Variants in CAPN8 observed in about 807,000 individuals in gnomAD.
The protein encoded by CAPN8 is calpain-8.
CAPN8 carries 87 observed loss-of-function variants against 80.9 expected under a neutral mutation model. The ratio of observed to expected loss-of-function variants is 1.07; its 90% CI spans 0.90 to 1.28. CAPN8 has a LOEUF of 1.28. CAPN8 is among the 50% of genes most tolerant of loss of function. CAPN8 has a pLI of 0.00. For synonymous variants in CAPN8, 299 were observed against 273.8 expected (o/e 1.09, Z -0.91); for missense variants, 757 against 702.0 (o/e 1.08, Z -0.89).
intron 10 of CAPN8, among the ~76,000 whole-genome samples, chr1:223,613,165 G>A (rs73119712): frequency 0.38 from 58,294 of 151,986 alleles, 11,336 homozygotes; most frequent in Non-Finnish European, 0.4. Flanking sequence ...ATTATTTGTG[G>A]TTTAGGTCTA....
intron 2 of CAPN8, among the ~76,000 whole-genome samples, chr1:223,631,104 G>A (rs1289530865): frequency 6.6e-6 from 1 of 151,936 alleles, no homozygotes. Context: ...TCTCCCAATC[G>A]AACTTGGATA....
At chr1:223,626,956 GA>G in intron 5 of CAPN8, 32 bp downstream of exon 5, 1 of 1,542,524 alleles carries the variant, frequency 6.5e-7, no homozygotes, top group Non-Finnish European at 8.8e-7. Context: ...GCGGTGGGGG[GA>G]GGTGGGGCAG....
intron 2 of CAPN8, among the ~76,000 whole-genome samples, chr1:223,653,976 C>T (rs1658409234): frequency 6.6e-6 from 1 of 152,148 alleles, no homozygotes; most frequent in African/African-American, 2.4e-5. Flanking sequence ...ATGGCCATTC[C>T]AAAGGACAAA....
chr1:223,619,654 AG>A (rs1034452742), intron 8 of CAPN8, among the ~76,000 whole-genome samples: 13 of 152,240 alleles, frequency 8.5e-5, no homozygotes, highest in African/African-American at 2.9e-4. Context: ...TGGCTCTTAC[AG>A]GGAGCCCCAC....
In CAPN8 at chr1:223,650,411, C is replaced by T. The variant is rs74145969; in HGVS notation, c.307+3919G>A. On this transcript the variant is annotated intron_variant, in intron 2 of 20. Coordinates refer to ENST00000366872, the MANE Select transcript of CAPN8 (RefSeq NM_001143962.2). The stretch of plus-strand genomic sequence containing the variant: ...GGGGCCCTGACCCAGGCTGGGCCCA[C>T]GGCTGTGGCTGCAGTAACTGGCTCA... Among the ~76,000 whole-genome samples the T allele has an allele frequency of 3.5e-3, 531 of 152,308 alleles. 2 individuals are homozygous for T. The highest frequency in any genetic ancestry group is 0.01 in the African/African-American group (416 of 41,562).
chr1:223,628,891 G>A lies in CAPN8; in HGVS notation c.308-111C>T, dbSNP rs116418322. 2,900 of 747,762 alleles carry A rather than the reference G, an allele frequency of 3.9e-3. 46 individuals carry two copies. The African/African-American group carries it at 0.042, about 11-fold the overall frequency. The allele number at this position is 747,762 out of a possible 1,614,324, so 46.3% of individuals were successfully genotyped here. ...AGTCCACGTTGCCACATTCCCTTCT[G>A]AGTCAGGTAGAGTTTCCTCCTCCGG... is the stretch of plus-strand genomic sequence containing the variant. On this transcript the variant is annotated intron_variant, in intron 2 of 20. Coordinates refer to ENST00000366872, the MANE Select transcript of CAPN8 (RefSeq NM_001143962.2).
chr1:223,639,437 C>T (rs532914666), intron 2 of CAPN8, among the ~76,000 whole-genome samples: 1 of 152,244 alleles, frequency 6.6e-6, no homozygotes, highest in Non-Finnish European at 1.5e-5. Flanking sequence ...TCATTTTAAT[C>T]GGGAAGCCAT....
chr1:223,544,352 C>T (rs1656559859), intron 18 of CAPN8, 169 bp from the exon 19 acceptor site: 2 of 603,226 alleles, frequency 3.3e-6, no homozygotes, highest in Admixed American at 5.7e-5. Context: ...GTCCTGCCAT[C>T]CATCCCTCTC....
chr1:223,660,189 C>T (rs1247560037), intron 1 of CAPN8, among the ~76,000 whole-genome samples: 1 of 152,168 alleles, frequency 6.6e-6, no homozygotes, highest in Non-Finnish European at 1.5e-5. Flanking sequence ...TCATTGCTGT[C>T]TTGCTGTATT....
At chr1:223,628,624 G>C (rs572331771) in intron 3 of CAPN8, 38 bp downstream of exon 3, 1 of 1,502,388 alleles carries the variant, frequency 6.7e-7, no homozygotes, top group East Asian at 2.5e-5. Context: ...CTAAGAATAC[G>C]GAAAACAGCA....
At chr1:223,641,998 C>T (rs1279148453) in intron 2 of CAPN8, among the ~76,000 whole-genome samples, 4 of 152,200 alleles carry the variant, frequency 2.6e-5, no homozygotes, top group Admixed American at 2.0e-4. Context: ...GGGCCCACCT[C>T]CTACTGTACT....
At chr1:223,655,814 G>T (rs1358392292) in intron 1 of CAPN8, among the ~76,000 whole-genome samples, 1 of 152,134 alleles carries the variant, frequency 6.6e-6, no homozygotes, top group Non-Finnish European at 1.5e-5. Context: ...TGTTCACCAG[G>T]CAAACTGCTA....
At chr1:223,643,507 G>A (rs1658101130) in intron 2 of CAPN8, among the ~76,000 whole-genome samples, 1 of 152,222 alleles carries the variant, frequency 6.6e-6, no homozygotes, top group African/African-American at 2.4e-5. Context: ...GATACTTTGA[G>A]GCTGGGAAAA....
At chr1:223,630,321 A>T (rs1657738090) in intron 2 of CAPN8, among the ~76,000 whole-genome samples, 1 of 151,908 alleles carries the variant, frequency 6.6e-6, no homozygotes, top group African/African-American at 2.4e-5. Flanking sequence ...TGTCTCACAC[A>T]CACACATACT....
Position 223,628,706 on chromosome 1 carries a change from C to G in CAPN8, c.382G>C (p.Asp128His). The stretch of plus-strand genomic sequence containing the variant: ...GCATAGTTCTCCTGGAAGTCCTGGT[C>G]CCTGGGGACCACCCGGTAAAGCAGC... ...EELLYRVVPRDQDFQENYAGI... is the reference protein window; with the variant it reads ...EELLYRVVPRHQDFQENYAGI... The change falls in exon 3 of 21, where the codon GAC becomes CAC. Residue 128 changes from aspartate to histidine, a missense_variant. By Grantham distance (81) the Asp-to-His change is moderately conservative. Transcript: ENST00000366872. The G allele has an allele frequency of 6.4e-7, 1 of 1,551,826 alleles. No homozygotes were observed.
In CAPN8 at chr1:223,619,167, C is replaced by G. The variant is rs1226674044; in HGVS notation, c.1135+126G>C. 2.8e-5 allele frequency: 32 copies of G among 1,159,358 alleles called. No individual in the cohort carries two copies. The Admixed American group carries it at 8.2e-4, about 30-fold the overall frequency. 71.8% of individuals were successfully genotyped at this position (1,159,358 alleles called of 1,614,324 possible). A position where few individuals can be genotyped will look rare whatever the true frequency, so the allele number is the denominator to read the frequency against. On this transcript the variant is annotated intron_variant, in intron 9 of 20. Transcript: ENST00000366872. Reference sequence around the variant, plus strand: ...AGAGATCGTGCCACTACACTCCAACCTGGGGAACAGAGCAAGGCCCTGTCT... The same window carrying G: ...AGAGATCGTGCCACTACACTCCAACGTGGGGAACAGAGCAAGGCCCTGTCT...
At chr1:223,640,951 C>T (rs537314578) in intron 2 of CAPN8, among the ~76,000 whole-genome samples, 39 of 152,160 alleles carry the variant, frequency 2.6e-4, no homozygotes, top group African/African-American at 9.2e-4. Flanking sequence ...GAAAGTAATA[C>T]TGGAGATCTG....
chr1:223,642,443 C>T (rs1452446399), intron 2 of CAPN8, among the ~76,000 whole-genome samples: 1 of 152,198 alleles, frequency 6.6e-6, no homozygotes. Context: ...CTCCTGGTTC[C>T]CATGACGACC....
At chr1:223,622,446 C>A (rs1225767769) in intron 7 of CAPN8, among the ~76,000 whole-genome samples, 1 of 152,166 alleles carries the variant, frequency 6.6e-6, no homozygotes, top group Non-Finnish European at 1.5e-5. Flanking sequence ...GGGGTTTGGC[C>A]TTTGTCAGTG....
Sources: gnomAD v4.1 joint callset for allele counts (sites outside exome capture counted in the v4.1 genomes callset) on GRCh38, gnomAD v4.1.1 for gene constraint, MANE v1.5 for transcripts, NCBI Gene and HGNC (gene_info 2026-07-23, HGNC 2026-07-21) for gene names.